The following MAPK8 variants were observed in gnomAD, a reference collection of about 807,000 sequenced individuals.
MAPK8 encodes JUN N-terminal kinase.
Under a neutral mutation model 52.9 loss-of-function variants are expected in MAPK8, and 13 were observed. That is an observed-to-expected ratio of 0.25 (90% CI 0.16 to 0.39). MAPK8 has a LOEUF of 0.39. MAPK8 is among the 10% of genes least tolerant of loss of function. MAPK8 has a pLI of 1.00. For synonymous variants in MAPK8, 191 were observed against 169.8 expected (o/e 1.12, Z -0.97); for missense variants, 300 against 519.2 (o/e 0.58, Z 4.10).
rs1401193235 is a variant in MAPK8 at position 48,324,650 on chromosome 10, TAGA to T, written c.-50+17833_-50+17835del. The stretch of plus-strand genomic sequence containing the variant: ...TCAATTCCCACTGTATTTCCTAAAG[TAGA>T]AGATTGAGCCTAAAGACTGGATTAT... On this transcript the variant is annotated intron_variant, in intron 1 of 11. Coordinates refer to ENST00000374189, the MANE Select transcript of MAPK8 (RefSeq NM_001323329.2). Among the ~76,000 whole-genome samples the T allele has an allele frequency of 3.3e-5, 5 of 150,606 alleles. No homozygotes were observed. In the South Asian group the frequency reaches 6.4e-4, roughly 19 times the overall value.
At chr10:48,425,073 G>A (rs1025119932) in intron 7 of MAPK8, 9 of 659,802 alleles carry the variant, frequency 1.4e-5, no homozygotes, top group Admixed American at 4.5e-5. Context: ...GTATGGTAAC[G>A]ATAGCTTTGG....
At chr10:48,312,334 A>G (rs930607135) in intron 1 of MAPK8, among the ~76,000 whole-genome samples, 2 of 152,224 alleles carry the variant, frequency 1.3e-5, no homozygotes, top group African/African-American at 4.8e-5. Context: ...TACTAACCAG[A>G]GTTCTCAATC....
chr10:48,312,106 A>G (rs913588168), intron 1 of MAPK8, among the ~76,000 whole-genome samples: 17 of 152,214 alleles, frequency 1.1e-4, no homozygotes, highest in African/African-American at 3.6e-4. Flanking sequence ...CAAACCTTAC[A>G]TCTCTTGCCA....
intron 1 of MAPK8, among the ~76,000 whole-genome samples, chr10:48,336,509 C>A (rs1844703673): frequency 6.6e-6 from 1 of 152,084 alleles, no homozygotes. Context: ...TATTGAATAT[C>A]TCAAGGTGCT....
intron 1 of MAPK8, among the ~76,000 whole-genome samples, chr10:48,379,076 C>T (rs766814322): frequency 5.9e-5 from 9 of 152,158 alleles, no homozygotes; most frequent in Non-Finnish European, 1.2e-4. Flanking sequence ...GAAACTTTTT[C>T]GTTAGAAATT....
At chr10:48,312,825 C>G (rs1020620582) in intron 1 of MAPK8, among the ~76,000 whole-genome samples, 1 of 152,142 alleles carries the variant, frequency 6.6e-6, no homozygotes, top group African/African-American at 2.4e-5. Flanking sequence ...TATATTTTGA[C>G]TAAGTAGTAA....
intron 1 of MAPK8, among the ~76,000 whole-genome samples, chr10:48,344,828 A>G (rs527282462): frequency 6.6e-6 from 1 of 152,336 alleles, no homozygotes; most frequent in South Asian, 2.1e-4. Flanking sequence ...AAAATGCTGT[A>G]TAAGAATTCA....
chr10:48,379,448 C>T (rs1273735079), intron 1 of MAPK8, among the ~76,000 whole-genome samples: 2 of 152,118 alleles, frequency 1.3e-5, no homozygotes, highest in African/African-American at 4.8e-5. Flanking sequence ...AAATATTGCA[C>T]TTATACAAAC....
At chr10:48,396,253 A>G (rs907092973) in intron 1 of MAPK8, among the ~76,000 whole-genome samples, 1 of 152,184 alleles carries the variant, frequency 6.6e-6, no homozygotes, top group Non-Finnish European at 1.5e-5. Flanking sequence ...ACTCAACAGT[A>G]GGAAATAAGA....
chr10:48,333,148 A>G (rs1844314821), intron 1 of MAPK8, among the ~76,000 whole-genome samples: 2 of 152,162 alleles, frequency 1.3e-5, no homozygotes, highest in African/African-American at 4.8e-5. Context: ...TTATGATCTG[A>G]TGTCTCTTTG....
At position 48,436,922 on chromosome 10, in the gene MAPK8, AGT is replaced by A. The variant is rs1490562058; in HGVS notation, c.*1898_*1899del. 1.3e-5 allele frequency: 2 copies of A among 152,334 alleles called. No homozygotes were observed. The highest frequency in any genetic ancestry group is 3.9e-4 in the East Asian group (2 of 5,190). 9.4% of individuals were successfully genotyped at this position (152,334 alleles called of 1,614,324 possible). A position where few individuals can be genotyped will look rare whatever the true frequency, so the allele number is the denominator to read the frequency against. On this transcript the variant is annotated 3_prime_UTR_variant, in exon 12 of 12. Transcript: ENST00000374189. ...CAATTTCAGCAGAAATTTGAGAATG[AGT>A]GTGTTTATATTAATTTCACAATTAG...
intron 1 of MAPK8, among the ~76,000 whole-genome samples, chr10:48,337,150 A>C (rs538543235): frequency 6.6e-6 from 1 of 152,162 alleles, no homozygotes; most frequent in African/African-American, 2.4e-5. Context: ...TACCCTACCC[A>C]ACAACCACAG....
At chr10:48,403,182 G>A (rs895800737) in intron 2 of MAPK8, among the ~76,000 whole-genome samples, 2 of 152,122 alleles carry the variant, frequency 1.3e-5, no homozygotes, top group Non-Finnish European at 2.9e-5. Flanking sequence ...AGAGCAAGCC[G>A]GGCGCGGTGG....
intron 1 of MAPK8, among the ~76,000 whole-genome samples, chr10:48,329,323 C>T (rs968393368): frequency 6.6e-6 from 1 of 152,176 alleles, no homozygotes; most frequent in African/African-American, 2.4e-5. Context: ...GGGTGTCACT[C>T]TTATTACCAT....
Position 48,437,380 on chromosome 10 carries a change from TA to T in MAPK8, c.*2353del, listed in dbSNP as rs2044935099. On this transcript the variant is annotated 3_prime_UTR_variant, in exon 12 of 12. Transcript: ENST00000374189. ...TTTTTTTTTGAAGAGAAGTTACAAA[TA>T]ACATTTCTATCAGGTAGTACTTGTA... 1.3e-5 allele frequency: 2 copies of T among 152,194 alleles called. No individual in the cohort carries two copies. The highest frequency in any genetic ancestry group is 4.8e-5 in the African/African-American group (2 of 41,452). 9.4% of individuals were successfully genotyped at this position (152,194 alleles called of 1,614,324 possible). A position where few individuals can be genotyped will look rare whatever the true frequency, so the allele number is the denominator to read the frequency against.
At chr10:48,342,430 A>T (rs1282161612) in intron 1 of MAPK8, among the ~76,000 whole-genome samples, 2 of 152,214 alleles carry the variant, frequency 1.3e-5, no homozygotes, top group Non-Finnish European at 2.9e-5. Flanking sequence ...ATAAAAAAAA[A>T]TTTTACAATA....
At chr10:48,345,260 G>A (rs1845661243) in intron 1 of MAPK8, among the ~76,000 whole-genome samples, 1 of 152,184 alleles carries the variant, frequency 6.6e-6, no homozygotes, top group Non-Finnish European at 1.5e-5. Flanking sequence ...CAATACTTCT[G>A]TGAATTACCC....
At chr10:48,356,727 A>G (rs1220919007) in intron 1 of MAPK8, among the ~76,000 whole-genome samples, 1 of 151,840 alleles carries the variant, frequency 6.6e-6, no homozygotes, top group African/African-American at 2.4e-5. Flanking sequence ...CTGTAATCCC[A>G]GCTGCTTGGG....
chr10:48,403,773 G>A (rs1012277251), intron 2 of MAPK8, among the ~76,000 whole-genome samples: 2 of 151,410 alleles, frequency 1.3e-5, no homozygotes, highest in Admixed American at 6.6e-5. Context: ...TTTTGAGACA[G>A]AGTCTCACTC....
Sources: allele counts gnomAD v4.1 joint callset (sites outside exome capture counted in the v4.1 genomes callset), GRCh38; gene constraint gnomAD v4.1.1; transcripts MANE v1.5; gene names NCBI Gene and HGNC (gene_info 2026-07-23, HGNC 2026-07-21).